CEPT1: variants seen among roughly 807,000 people sequenced by gnomAD.
CEPT1 encodes choline/ethanolaminephosphotransferase 1.
A neutral mutation model predicts 42.6 loss-of-function variants in CEPT1; 7 were observed. The ratio of observed to expected loss-of-function variants is 0.16; its 90% confidence interval spans 0.09 to 0.31. The LOEUF is 0.31. Ranked by LOEUF, CEPT1 falls within the 10% of genes least tolerant of loss-of-function variation. The pLI, the probability that CEPT1 is intolerant of heterozygous loss-of-function variation, is 1.00. For synonymous variants in CEPT1, 171 were observed against 171.9 expected, an observed-to-expected ratio of 0.99 and a Z score of 0.04; for missense variants, 306 against 502.1, an observed-to-expected ratio of 0.61 and a Z score of 3.73.
intron 4 of CEPT1, among the ~76,000 whole-genome samples, chr1:111,172,186 T>G (rs1226608534): frequency 6.6e-6 from 1 of 152,244 alleles, no homozygotes; most frequent in Non-Finnish European, 1.5e-5. Context: ...TTTTCCCATA[T>G]GTTTTGTTAA....
intron 2 of CEPT1, among the ~76,000 whole-genome samples, chr1:111,154,187 GTATTTTATTT>G (rs201981261): frequency 0.16 from 20,699 of 130,714 alleles, 1,716 homozygotes; most frequent in African/African-American, 0.17. Context: ...TTATTCCCAA[GTATTTTATTT>G]TATTTTATTT....
intron 1 of CEPT1, among the ~76,000 whole-genome samples, chr1:111,143,317 T>C (rs1654765935): frequency 6.6e-6 from 1 of 152,248 alleles, no homozygotes; most frequent in South Asian, 2.1e-4. Flanking sequence ...CTTCTTTTCC[T>C]CTGAGCTTGG....
intron 4 of CEPT1, among the ~76,000 whole-genome samples, chr1:111,171,031 G>T (rs1366229728): frequency 6.6e-6 from 1 of 152,152 alleles, no homozygotes; most frequent in East Asian, 1.9e-4. Flanking sequence ...ACAATAGATT[G>T]TTTCTGATTT....
intron 2 of CEPT1, among the ~76,000 whole-genome samples, chr1:111,156,083 AG>A (rs1391622716): frequency 6.6e-6 from 1 of 151,960 alleles, no homozygotes; most frequent in Non-Finnish European, 1.5e-5. Flanking sequence ...TGTATCTTGT[AG>A]GTTTTGGTAT....
At position 111,185,020 on chromosome 1, in the gene CEPT1, TAAAC is replaced by T. The variant is rs1471449828; in HGVS notation, c.*711_*714del. On this transcript the variant is annotated 3_prime_UTR_variant, in exon 9 of 9. Coordinates refer to ENST00000357172, the MANE Select transcript of CEPT1 (RefSeq NM_006090.5). ...TTCTCAGTTTTACTCAGTGGAAAGA[TAAAC>T]TAAGTTTTAATGTTATTTTTTTAAA... The T allele has an allele frequency of 3.3e-5, 5 of 152,548 alleles. No homozygotes were observed. The highest frequency in any genetic ancestry group is 3.3e-4 in the Admixed American group (5 of 15,270). 9.4% of individuals were successfully genotyped at this position (152,548 alleles called of 1,614,324 possible).
intron 2 of CEPT1, among the ~76,000 whole-genome samples, chr1:111,156,479 G>C (rs192399407): frequency 6.6e-6 from 1 of 152,144 alleles, no homozygotes; most frequent in Non-Finnish European, 1.5e-5. Flanking sequence ...GTTTAAATCA[G>C]GGGTGTCTAA....
intron 4 of CEPT1, among the ~76,000 whole-genome samples, chr1:111,173,769 A>C (rs868021268): frequency 6.6e-6 from 1 of 152,152 alleles, no homozygotes; most frequent in Non-Finnish European, 1.5e-5. Context: ...TAAAAGTAGA[A>C]TATTATTTGT....
chr1:111,176,528 T>A (rs1656685697), intron 5 of CEPT1, among the ~76,000 whole-genome samples: 1 of 152,154 alleles, frequency 6.6e-6, no homozygotes, highest in Non-Finnish European at 1.5e-5. Context: ...AAAGTGGGAT[T>A]TCTGGCTTGA....
In CEPT1 at chr1:111,184,328, A is replaced by G. The variant is rs1571163298; in HGVS notation, c.*18A>G. ...ATCATTAATGATGTAATTGGTATAT[A>G]GGAACATCATGTTTTCTGCAGGAAA... On this transcript the variant is annotated 3_prime_UTR_variant, in exon 9 of 9. Transcript: ENST00000357172. 1 of 1,594,728 alleles carries G rather than the reference A, an allele frequency of 6.3e-7. No homozygotes were observed. The highest frequency in any genetic ancestry group is 8.6e-7 in the Non-Finnish European group (1 of 1,168,504).
intron 4 of CEPT1, among the ~76,000 whole-genome samples, chr1:111,169,559 G>T (rs948888660): frequency 6.6e-6 from 1 of 152,050 alleles, no homozygotes. Context: ...CATAAAAAAA[G>T]TTTTGAAAAT....
At chr1:111,176,822 A>G (rs1263318981) in intron 5 of CEPT1, among the ~76,000 whole-genome samples, 1 of 152,228 alleles carries the variant, frequency 6.6e-6, no homozygotes, top group Non-Finnish European at 1.5e-5. Context: ...AAGTGTTACT[A>G]TCTTAGCCAC....
chr1:111,158,865 C>T (rs1046944608), intron 2 of CEPT1, among the ~76,000 whole-genome samples: 2 of 148,412 alleles, frequency 1.3e-5, no homozygotes, highest in South Asian at 2.1e-4. Flanking sequence ...TCTGCCTGAA[C>T]ACCTCTAAAA....
Position 111,184,368 on chromosome 1 carries a change from A to T in CEPT1, c.*58A>T. ...TCTGCAGGAAAGAAAGTAACATATT[A>T]AGGAGAATGGGGGTGGATAAGAACA... On this transcript the variant is annotated 3_prime_UTR_variant, in exon 9 of 9. Transcript: ENST00000357172. 7.3e-7 allele frequency: 1 copy of T among 1,371,502 alleles called. No individual in the cohort carries two copies. Among genetic ancestry groups the T allele is most frequent in the Non-Finnish European group, 1.0e-6 (1 of 978,550 alleles). The allele number at this position is 1,371,502 out of a possible 1,614,324, so 85.0% of individuals were successfully genotyped here.
intron 6 of CEPT1, 111 bp from the exon 7 acceptor site, chr1:111,182,688 C>T: frequency 1.1e-6 from 1 of 931,110 alleles, no homozygotes; most frequent in South Asian, 1.9e-5. Context: ...GCCTATCAGG[C>T]ACCATGAGGT....
In CEPT1 at chr1:111,163,470, T is replaced by A. The variant is rs556467890; in HGVS notation, c.629+2174T>A. Among the ~76,000 whole-genome samples, 10 of 152,004 alleles carry A rather than the reference T, an allele frequency of 6.6e-5. 1 individual carries two copies. Among genetic ancestry groups the A allele is most frequent in the African/African-American group, 2.4e-4 (10 of 41,432 alleles). ...TATAGACCTGGTCTCTACAAAAAAA[T>A]TTTTTAAAAATTAGCCAAGCACGGT... On this transcript the variant is annotated intron_variant, in intron 4 of 8. Transcript: ENST00000357172.
At chr1:111,158,297 A>G (rs1270609063) in intron 2 of CEPT1, among the ~76,000 whole-genome samples, 2 of 152,172 alleles carry the variant, frequency 1.3e-5, no homozygotes, top group African/African-American at 2.4e-5. Context: ...AGGTTGCAGT[A>G]AGCCAAGACT....
chr1:111,139,555 G>C (rs935829178), upstream of CEPT1: 1 of 152,186 alleles, frequency 6.6e-6, no homozygotes, highest in Non-Finnish European at 1.5e-5. Context: ...TGTGGGAAAG[G>C]GTTGAAGATT....
Position 111,147,924 on chromosome 1 carries a change from G to C in CEPT1, c.210G>C (p.Gly70=), listed in dbSNP as rs1281912962. 1 of 1,614,152 alleles carries C rather than the reference G, an allele frequency of 6.2e-7. No individual in the cohort carries two copies. The highest frequency in any genetic ancestry group is 1.1e-5 in the South Asian group (1 of 91,076). Residue 70 remains glycine, a synonymous_variant, in exon 2 of 9, where the codon GGG becomes GGC. Coordinates refer to ENST00000357172, the MANE Select transcript of CEPT1 (RefSeq NM_006090.5). Reference sequence around the variant, plus strand: ...CCCTGCTTGAGCCCTTAATGCAAGGGTATTGGGAATGGCTCGTTAGAAGAG... The same window carrying C: ...CCCTGCTTGAGCCCTTAATGCAAGGCTATTGGGAATGGCTCGTTAGAAGAG... ...GRSLLEPLMQ[G]YWEWLVRRVP... is the part of the protein sequence containing the mutation.
At chr1:111,179,569 C>T (rs1215136470) in intron 5 of CEPT1, 1 of 152,154 alleles carries the variant, frequency 6.6e-6, no homozygotes, top group Admixed American at 6.5e-5. Context: ...TGATCTTAAG[C>T]GTGGGGTGAG....
Sources: allele counts gnomAD v4.1 joint callset (sites outside exome capture counted in the v4.1 genomes callset), GRCh38; gene constraint gnomAD v4.1.1; transcripts MANE v1.5; gene names NCBI Gene and HGNC (gene_info 2026-07-23, HGNC 2026-07-21).